ITPR1: variants seen among roughly 807,000 people sequenced by gnomAD.
ITPR1 encodes inositol 1,4,5-trisphosphate-gated calcium channel ITPR1.
Under a neutral mutation model 318.4 loss-of-function variants are expected in ITPR1, and 96 were observed. The ratio of observed to expected loss-of-function variants is 0.30; its 90% CI spans 0.26 to 0.36. The LOEUF (loss-of-function observed/expected upper bound fraction) is 0.36, where lower values mean the gene tolerates loss of function less well. ITPR1 is among the 10% of genes least tolerant of loss of function. ITPR1 has a pLI of 1.00. For missense variants in ITPR1, 2,440 were observed against 3,460.2 expected, an observed-to-expected ratio of 0.71 and a Z score of 7.40; for synonymous variants, 1,312 against 1,289.9, an observed-to-expected ratio of 1.02 and a Z score of -0.37.
chr3:4,669,902 C>A, intron 19 of ITPR1, 129 bp downstream of exon 19: 1 of 971,798 alleles, frequency 1.0e-6, no homozygotes. Flanking sequence ...ATTTGATCTT[C>A]TTATTGGAAA....
At chr3:4,510,247 G>A (rs2081706086) in intron 2 of ITPR1, among the ~76,000 whole-genome samples, 1 of 152,172 alleles carries the variant, frequency 6.6e-6, no homozygotes, top group Non-Finnish European at 1.5e-5. Context: ...CATTATGGCT[G>A]GAGTATGGAG....
rs1196623379 is a variant in ITPR1 at position 4,806,285 on chromosome 3, A to G, written c.7272+18A>G. 1 of 1,611,176 alleles carries G rather than the reference A, an allele frequency of 6.2e-7. No homozygotes were observed. The highest frequency in any genetic ancestry group is 2.2e-5 in the East Asian group (1 of 44,882). ...GTCTGCTGGTGAGTACCTGGTGTGG[A>G]AATATTTTATGTGTGGGGAAACTAG... On this transcript the variant is annotated intron_variant, in intron 55 of 61. Transcript: ENST00000649015.
Position 4,775,273 on chromosome 3 carries a change from A to G in ITPR1, c.6011A>G (p.Asn2004Ser), listed in dbSNP as rs766167400. 14 of 1,614,024 alleles carry G rather than the reference A, an allele frequency of 8.7e-6. No individual in the cohort carries two copies. The highest frequency in any genetic ancestry group is 1.7e-5 in the Admixed American group (1 of 60,012). The change falls in exon 47 of 62, where the codon AAC becomes AGC. Residue 2004 changes from asparagine to serine, a missense_variant. By Grantham distance (46) the Asn-to-Ser change is conservative. This residue lies in a region of ITPR1 where 76 missense variants were observed against 162.1 expected (regional missense o/e 0.47). Coordinates refer to ENST00000649015, the MANE Select transcript of ITPR1 (RefSeq NM_001378452.1). ...NFLRCQNNKT[N>S]YNLVCETLQF... ...CTCCGTTGCCAAAATAACAAGACCA[A>G]CTACAATTTGGTATGTGAGACCCTG... is the stretch of plus-strand genomic sequence containing the variant.
rs1052138423 is a variant in ITPR1, at chr3:4,725,661, T to A, written c.5172+80T>A. 4.7e-6 allele frequency: 6 copies of A among 1,282,738 alleles called. No individual in the cohort carries two copies. In the South Asian group the frequency reaches 6.0e-5, roughly 13 times the overall value. 79.5% of individuals were successfully genotyped at this position (1,282,738 alleles called of 1,614,324 possible). Reference sequence around the variant, plus strand: ...CAGTTGTCCTGGTTGGGTGTCTGAATTGTTGTAACAAAAAGTCTCTCCCGG... The same window carrying A: ...CAGTTGTCCTGGTTGGGTGTCTGAAATGTTGTAACAAAAAGTCTCTCCCGG... On this transcript the variant is annotated intron_variant, in intron 41 of 61. Transcript: ENST00000649015.
intron 37 of ITPR1, among the ~76,000 whole-genome samples, chr3:4,708,910 C>T (rs1388089425): frequency 6.6e-6 from 1 of 152,220 alleles, no homozygotes; most frequent in Non-Finnish European, 1.5e-5. Flanking sequence ...CCGCCCATTG[C>T]TTTGCCATCT....
chr3:4,702,215 A>T (rs999280111), intron 35 of ITPR1, among the ~76,000 whole-genome samples: 7 of 152,226 alleles, frequency 4.6e-5, no homozygotes, highest in African/African-American at 1.7e-4. Flanking sequence ...GAAAGGAATA[A>T]ATCTTCTCAT....
At position 4,711,693 on chromosome 3, in the gene ITPR1, T is replaced by C. The variant is rs541624827; in HGVS notation, c.4992-64T>C. 240 of 854,170 alleles carry C rather than the reference T, an allele frequency of 2.8e-4. 3 individuals carry two copies. The East Asian group carries it at 6.2e-3, about 22-fold the overall frequency. 52.9% of individuals were successfully genotyped at this position (854,170 alleles called of 1,614,324 possible). On this transcript the variant is annotated intron_variant, in intron 38 of 61. Transcript: ENST00000649015. ...AACGGACTAGTTAAAATAAATTGCTTGTGAAGTCTTTTTAATTTAAAATTA... is the reference window on the plus strand; with the variant it reads ...AACGGACTAGTTAAAATAAATTGCTCGTGAAGTCTTTTTAATTTAAAATTA...
intron 40 of ITPR1, among the ~76,000 whole-genome samples, chr3:4,720,267 T>C (rs959095991): frequency 1.3e-5 from 2 of 152,102 alleles, no homozygotes; most frequent in Non-Finnish European, 2.9e-5. Context: ...AGATGACAGC[T>C]CTCAGCTGTG....
intron 4 of ITPR1, among the ~76,000 whole-genome samples, chr3:4,595,355 G>A (rs926774846): frequency 1.3e-5 from 2 of 152,210 alleles, no homozygotes; most frequent in Non-Finnish European, 2.9e-5. Flanking sequence ...GAGTGGTGAG[G>A]TGCCACACAC....
intron 22 of ITPR1, 36 bp from the exon 23 acceptor site, chr3:4,675,032 G>A (rs750643546): frequency 3.8e-5 from 46 of 1,208,724 alleles, no homozygotes; most frequent in Admixed American, 3.1e-4. Flanking sequence ...TGCAGTTTAT[G>A]TAATACCGTC....
intron 5 of ITPR1, 121 bp downstream of exon 5, chr3:4,627,999 T>C: frequency 1.6e-6 from 1 of 611,754 alleles, no homozygotes; most frequent in Non-Finnish European, 2.8e-6. Context: ...GCTTTCTACT[T>C]TTTTTTTCGT....
At chr3:4,500,685 A>C (rs2080954017) in intron 2 of ITPR1, among the ~76,000 whole-genome samples, 1 of 152,108 alleles carries the variant, frequency 6.6e-6, no homozygotes, top group Admixed American at 6.5e-5. Flanking sequence ...TATAATCTAA[A>C]CTTTTTTTAA....
At position 4,788,103 on chromosome 3, in the gene ITPR1, C is replaced by A. The variant is rs770373266; in HGVS notation, c.6772C>A (p.Leu2258Ile). 1 of 1,608,336 alleles carries A rather than the reference C, an allele frequency of 6.2e-7. No homozygotes were observed. Among genetic ancestry groups the A allele is most frequent in the Non-Finnish European group, 8.5e-7 (1 of 1,177,236 alleles). The stretch of plus-strand genomic sequence containing the variant: ...TGATTTCTTTCTGCGGTCTGAAGAC[C>A]TCTTCAATGAAATGAATTGGCAGAA... ...INDFFLRSED[L>I]FNEMNWQKKL... Residue 2258 changes from leucine (L) to isoleucine (I), a missense_variant, in exon 52 of 62, where the codon CTC (leucine) becomes ATC (isoleucine). By Grantham distance (5) the Leu-to-Ile change is conservative (BLOSUM62 2). Transcript: ENST00000649015.
intron 23 of ITPR1, 23 bp from the exon 24 acceptor site, chr3:4,676,591 T>C (rs1427697609): frequency 6.3e-7 from 1 of 1,599,120 alleles, no homozygotes; most frequent in African/African-American, 1.3e-5. Flanking sequence ...ATTGTGACCG[T>C]GGTCTCTCCT....
chr3:4,530,653 C>A (rs1399909619), intron 4 of ITPR1, among the ~76,000 whole-genome samples: 2 of 152,040 alleles, frequency 1.3e-5, no homozygotes, highest in East Asian at 3.9e-4. Flanking sequence ...TGGTGGTGGT[C>A]ACATGTAGTC....
chr3:4,494,017 C>T (rs79358422), intron 1 of ITPR1, among the ~76,000 whole-genome samples: 6,452 of 151,404 alleles, frequency 0.043, 176 homozygotes, highest in African/African-American at 0.072. Context: ...TGTGTAGGGG[C>T]CCCCCGTGGG....
At chr3:4,842,262 G>A (rs1344608359) in intron 61 of ITPR1, among the ~76,000 whole-genome samples, 1 of 152,262 alleles carries the variant, frequency 6.6e-6, no homozygotes, top group Admixed American at 6.5e-5. Context: ...AAGGAGGAAT[G>A]CTGAAATTCA....
intron 38 of ITPR1, 119 bp from the exon 39 acceptor site, chr3:4,711,638 C>T: frequency 4.5e-6 from 3 of 664,950 alleles, no homozygotes; most frequent in Non-Finnish European, 8.1e-6. Flanking sequence ...TATCTTTAAC[C>T]TGAGAGCTCT....
intron 52 of ITPR1, among the ~76,000 whole-genome samples, chr3:4,794,157 A>T (rs551986229): frequency 1.3e-5 from 2 of 152,340 alleles, no homozygotes; most frequent in South Asian, 4.1e-4. Flanking sequence ...TATGCCTACC[A>T]TGTCTATTTT....
Sources: allele counts gnomAD v4.1 joint callset (sites outside exome capture counted in the v4.1 genomes callset), GRCh38; gene constraint gnomAD v4.1.1; regional missense constraint gnomAD v4.1.1; transcripts MANE v1.5; gene names NCBI Gene and HGNC (gene_info 2026-07-23, HGNC 2026-07-21).